Variants in GLIS1 observed in about 807,000 individuals in gnomAD.
The protein encoded by GLIS1 is zinc finger protein GLIS1.
Under a neutral mutation model 63.8 loss-of-function variants are expected in GLIS1, and 24 were observed. The observed-to-expected ratio is 0.38, with a 90% CI of 0.27 to 0.53. The LOEUF is 0.53. Ranked by LOEUF, GLIS1 falls within the 20% of genes least tolerant of loss-of-function variation. The pLI is 0.85. For missense variants in GLIS1, 1,036 were observed against 1,074.1 expected (o/e 0.96, Z 0.50); for synonymous variants, 450 against 482.5 (o/e 0.93, Z 0.88).
chr1:53,674,810 C>A (rs2100407897), intron 2 of GLIS1, among the ~76,000 whole-genome samples: 1 of 152,318 alleles, frequency 6.6e-6, no homozygotes, highest in East Asian at 1.9e-4. Context: ...CCCACCAAAG[C>A]TGGCAGGAAA....
intron 2 of GLIS1, among the ~76,000 whole-genome samples, chr1:53,665,908 A>T (rs1486051315): frequency 2.0e-5 from 3 of 152,216 alleles, no homozygotes; most frequent in African/African-American, 7.2e-5. Context: ...TTTTGGTGGC[A>T]TGATGGGATG....
chr1:53,632,707 ATGAG>A (rs1393439528), intron 2 of GLIS1, among the ~76,000 whole-genome samples: 1 of 126,644 alleles, frequency 7.9e-6, no homozygotes, highest in Non-Finnish European at 1.7e-5. Context: ...AGGGGTGTGA[ATGAG>A]TGTGACTGAG....
chr1:53,629,217 C>A (rs1219077333), intron 2 of GLIS1, among the ~76,000 whole-genome samples: 1 of 152,118 alleles, frequency 6.6e-6, no homozygotes, highest in Non-Finnish European at 1.5e-5. Context: ...GTTCTCCCTC[C>A]TGAGATGCCT....
At position 53,526,525 on chromosome 1, in the gene GLIS1, A is replaced by T. The variant is rs1644470650; in HGVS notation, c.1483-1638T>A. 6.7e-6 allele frequency among the ~76,000 whole-genome samples: 1 copy of T among 148,618 alleles called. No homozygotes were observed. Among genetic ancestry groups the T allele is most frequent in the Non-Finnish European group, 1.5e-5 (1 of 67,264 alleles). On this transcript the variant is annotated intron_variant, in intron 5 of 10. Coordinates refer to ENST00000628545, the MANE Select transcript of GLIS1 (RefSeq NM_001367484.1). This position sits in a 1 kb window ranked among gnomAD's most constrained non-coding sequence, Gnocchi z 4.4. ...AGGTAGGCTCCCTCTCTCACACACC[A>T]TACACACACACACACACACACACAC... is the stretch of plus-strand genomic sequence containing the variant.
intron 2 of GLIS1, among the ~76,000 whole-genome samples, chr1:53,638,794 T>C (rs1419291365): frequency 6.6e-6 from 1 of 151,976 alleles, no homozygotes; most frequent in Non-Finnish European, 1.5e-5. Context: ...GGGTAAACCC[T>C]GGAGGGAGTG....
At chr1:53,633,730 G>A (rs577153708) in intron 2 of GLIS1, among the ~76,000 whole-genome samples, 1 of 152,166 alleles carries the variant, frequency 6.6e-6, no homozygotes, top group African/African-American at 2.4e-5. Flanking sequence ...GCTGTCTTAT[G>A]CATTGCAGGA....
intron 5 of GLIS1, among the ~76,000 whole-genome samples, chr1:53,525,154 G>A (rs976779439): frequency 1.3e-5 from 2 of 152,086 alleles, no homozygotes; most frequent in Non-Finnish European, 2.9e-5. Flanking sequence ...CTGAAAAATG[G>A]GGCCATCTGA....
chr1:53,695,575 G>T (rs115638061), intron 2 of GLIS1, among the ~76,000 whole-genome samples: 1 of 152,166 alleles, frequency 6.6e-6, no homozygotes. Flanking sequence ...CCAGCACAGC[G>T]GAGGGCTCAG....
intron 2 of GLIS1, among the ~76,000 whole-genome samples, chr1:53,641,596 C>A (rs56360139): frequency 0.15 from 22,833 of 152,040 alleles, 2,010 homozygotes; most frequent in South Asian, 0.26. Context: ...AACTCTGGCC[C>A]GTGGGTGTGG....
In GLIS1 at chr1:53,522,986, C is replaced by CTTTTTCTTTTTCTT. The variant is rs760283252; in HGVS notation, c.1593+1790_1593+1791insAAGAAAAAGAAAAA. ...AGTTTCTTTTTCTTTTCTTTTCTTT[C>CTTTTTCTTTTTCTT]TTTTTTTTTTTTTTTTTTTGAGACA... On this transcript the variant is annotated intron_variant, in intron 6 of 10. Coordinates refer to ENST00000628545, the MANE Select transcript of GLIS1 (RefSeq NM_001367484.1). 1.1e-3 allele frequency among the ~76,000 whole-genome samples: 46 copies of CTTTTTCTTTTTCTT among 43,664 alleles called. 2 individuals are homozygous for CTTTTTCTTTTTCTT. Among genetic ancestry groups the CTTTTTCTTTTTCTT allele is most frequent in the East Asian group, 3.6e-3 (1 of 278 alleles). 28.6% of individuals were successfully genotyped at this position (43,664 alleles called of 152,430 possible). A position where few individuals can be genotyped will look rare whatever the true frequency, so the allele number is the denominator to read the frequency against.
intron 4 of GLIS1, among the ~76,000 whole-genome samples, chr1:53,541,395 G>A (rs1644641535): frequency 6.6e-6 from 1 of 152,212 alleles, no homozygotes; most frequent in African/African-American, 2.4e-5. Context: ...CACCCACCCA[G>A]CCACCCACAT....
intron 4 of GLIS1, among the ~76,000 whole-genome samples, chr1:53,557,101 G>C (rs1241407359): frequency 6.6e-6 from 1 of 151,988 alleles, no homozygotes; most frequent in Non-Finnish European, 1.5e-5. Flanking sequence ...ATACTTCAAG[G>C]TGTGTGCATG....
At chr1:53,720,779 A>T (rs962639690) in intron 2 of GLIS1, among the ~76,000 whole-genome samples, 9 of 152,176 alleles carry the variant, frequency 5.9e-5, no homozygotes, top group Non-Finnish European at 8.8e-5. Flanking sequence ...TATCAATTTT[A>T]AAAAAGAAAT....
At chr1:53,540,352 G>A (rs888084855) in intron 4 of GLIS1, among the ~76,000 whole-genome samples, 12 of 151,850 alleles carry the variant, frequency 7.9e-5, no homozygotes, top group African/African-American at 2.9e-4. Flanking sequence ...TGAATAAAAC[G>A]GTCTCTCCAG....
In GLIS1 at chr1:53,694,915, C is replaced by T. The variant is rs184529397; in HGVS notation, c.259+42891G>A. Among the ~76,000 whole-genome samples, 333 of 152,274 alleles carry T rather than the reference C, an allele frequency of 2.2e-3. 2 individuals carry two copies. Among genetic ancestry groups the T allele is most frequent in the African/African-American group, 7.7e-3 (321 of 41,538 alleles). Reference sequence around the variant, plus strand: ...GTGCCTGCAAACAGCCACTGCACTCCAGCCTGGGCAACACAGTGAGACCCC... The same window carrying T: ...GTGCCTGCAAACAGCCACTGCACTCTAGCCTGGGCAACACAGTGAGACCCC... On this transcript the variant is annotated intron_variant, in intron 2 of 10. Transcript: ENST00000628545.
At chr1:53,596,973 T>C (rs1466891507) in intron 3 of GLIS1, among the ~76,000 whole-genome samples, 5 of 151,666 alleles carry the variant, frequency 3.3e-5, no homozygotes, top group Admixed American at 3.3e-4. Flanking sequence ...TCCCTGACCT[T>C]GGGCAGCTCC....
chr1:53,669,335 C>T (rs895897059), intron 2 of GLIS1, among the ~76,000 whole-genome samples: 1 of 152,210 alleles, frequency 6.6e-6, no homozygotes, highest in African/African-American at 2.4e-5. Context: ...ATGTTGCCCA[C>T]CCTGTGGGCC....
intron 4 of GLIS1, among the ~76,000 whole-genome samples, chr1:53,541,232 C>T (rs1351264263): frequency 1.3e-5 from 2 of 152,220 alleles, no homozygotes; most frequent in Non-Finnish European, 2.9e-5. Flanking sequence ...ATGATGTGTA[C>T]TCATCAGGGC....
At chr1:53,562,121 G>A (rs1569833009) in intron 4 of GLIS1, among the ~76,000 whole-genome samples, 1 of 152,180 alleles carries the variant, frequency 6.6e-6, no homozygotes, top group Admixed American at 6.5e-5. Context: ...GTGCATGCAC[G>A]GTTAAGGGGG....
Sources: gnomAD v4.1 joint callset for allele counts (sites outside exome capture counted in the v4.1 genomes callset) on GRCh38, gnomAD v4.1.1 for gene constraint, Gnocchi (gnomAD v3.1) non-coding constraint, MANE v1.5 for transcripts, NCBI Gene and HGNC (gene_info 2026-07-23, HGNC 2026-07-21) for gene names.